The following STRN variants were observed in gnomAD, a reference collection of about 807,000 sequenced individuals.
STRN encodes protein phosphatase 2 regulatory subunit B'''alpha.
STRN carries 53 observed loss-of-function variants against 96.3 expected under a neutral mutation model. That is an observed-to-expected ratio of 0.55 (90% CI 0.44 to 0.69). The LOEUF (loss-of-function observed/expected upper bound fraction) is 0.69, where lower values mean the gene tolerates loss of function less well. STRN is among the 30% of genes least tolerant of loss of function. The pLI, the probability that STRN is intolerant of heterozygous loss-of-function variation, is 0.00. For missense variants in STRN, 987 were observed against 963.9 expected, an observed-to-expected ratio of 1.02 and a Z score of -0.32; for synonymous variants, 428 against 355.9, an observed-to-expected ratio of 1.20 and a Z score of -2.28.
At position 36,966,354 on chromosome 2, in the gene STRN, G is replaced by A. The variant is rs1665163202; in HGVS notation, c.110C>T (p.Ala37Val). Residue 37 changes from alanine to valine, a missense_variant, in exon 1 of 18, where the codon GCG becomes GTG. Transcript: ENST00000263918. ...LAEAAAAGDG[A>V]AAAGAARAQY... is the part of the protein sequence containing the mutation. ...GGCTCGGGCCGCCCCCGCCGCAGCC[G>A]CCCCGTCGCCGGCCGCGGCAGCCTC... 6 of 1,474,940 alleles carry A rather than the reference G, an allele frequency of 4.1e-6. No individual in the cohort carries two copies. The highest frequency in any genetic ancestry group is 2.6e-5 in the Admixed American group (1 of 38,596). The allele number at this position is 1,474,940 out of a possible 1,614,324, so 91.4% of individuals were successfully genotyped here.
rs1372767653 is a variant in STRN, at chr2:36,849,358, A to G, written c.*98T>C. On this transcript the variant is annotated 3_prime_UTR_variant, in exon 18 of 18. Transcript: ENST00000263918. ...TTCTCTGTGCTCCTTCAGCAGAACA[A>G]AAGGGCAGGACGAGATGATTCTTGC... The G allele has an allele frequency of 5.0e-6, 7 of 1,391,258 alleles. No individual in the cohort carries two copies. The highest frequency in any genetic ancestry group is 6.9e-6 in the Non-Finnish European group (7 of 1,016,438). The allele number at this position is 1,391,258 out of a possible 1,614,324, so 86.2% of individuals were successfully genotyped here.
chr2:36,851,194 G>C (rs935919242), intron 15 of STRN, 87 bp from the exon 16 acceptor site: 3 of 1,236,248 alleles, frequency 2.4e-6, no homozygotes, highest in Non-Finnish European at 3.4e-6. Flanking sequence ...CTAAGAGACT[G>C]AAAAAGTAGG....
intron 1 of STRN, among the ~76,000 whole-genome samples, chr2:36,954,506 T>A (rs1461456550): frequency 1.4e-5 from 2 of 145,756 alleles, no homozygotes; most frequent in African/African-American, 5.1e-5. Context: ...AGTAAAGCCC[T>A]GTCTCAAACA....
chr2:36,849,603 T>C lies in STRN; in HGVS notation c.2196A>G (p.Leu732=). The change falls in exon 18 of 18, where the codon TTA becomes TTG. Residue 732 remains leucine (L), a synonymous_variant. Coordinates refer to ENST00000263918, the MANE Select transcript of STRN (RefSeq NM_003162.4). Reference sequence around the variant, plus strand: ...TACACGTCTTACTTTCTAGATTCCATAAACGTATTGAACAGTCATGACCTA... The same window carrying C: ...TACACGTCTTACTTTCTAGATTCCACAAACGTATTGAACAGTCATGACCTA... ...MSGSHDCSIR[L]WNLESKTCIQ... is the part of the protein sequence containing the mutation. The C allele has an allele frequency of 6.2e-7, 1 of 1,614,016 alleles. No homozygotes were observed. The highest frequency in any genetic ancestry group is 2.2e-5 in the East Asian group (1 of 44,870).
intron 3 of STRN, among the ~76,000 whole-genome samples, chr2:36,911,855 C>A (rs797020332): frequency 6.6e-6 from 1 of 152,190 alleles, no homozygotes; most frequent in Admixed American, 6.5e-5. Context: ...TGATCACACA[C>A]CTCAACTGGA....
At chr2:36,927,527 G>GT (rs1179241067) in intron 1 of STRN, among the ~76,000 whole-genome samples, 1 of 129,572 alleles carries the variant, frequency 7.7e-6, no homozygotes, top group Non-Finnish European at 1.6e-5. Context: ...AAAAAAAAGG[G>GT]GGGGGGGGGT....
intron 7 of STRN, among the ~76,000 whole-genome samples, chr2:36,888,370 T>C (rs139995521): frequency 4.9e-4 from 75 of 152,294 alleles, no homozygotes; most frequent in African/African-American, 1.5e-3. Flanking sequence ...TGGCTCCCCA[T>C]CTCACCACTG....
At chr2:36,954,731 G>A (rs1481690325) in intron 1 of STRN, among the ~76,000 whole-genome samples, 1 of 151,548 alleles carries the variant, frequency 6.6e-6, no homozygotes, top group Non-Finnish European at 1.5e-5. Flanking sequence ...CTGCCTCCTG[G>A]GTTCAAGCGA....
rs1504 is a variant in STRN, at chr2:36,838,875, T to G, written c.*10581A>C. On this transcript the variant is annotated 3_prime_UTR_variant, in exon 18 of 18. Transcript: ENST00000263918. ...AAATGTGAGATGCAGAGAACGTACA[T>G]GATCCCATTTATTTAAAGCAAACTG... Among the ~76,000 whole-genome samples, 65,742 of 151,960 alleles carry G rather than the reference T, an allele frequency of 0.43. 14,474 individuals carry two copies. The highest frequency in any genetic ancestry group is 0.59 in the East Asian group (3,014 of 5,146).
At chr2:36,940,331 G>T (rs906371384) in intron 1 of STRN, among the ~76,000 whole-genome samples, 2 of 152,242 alleles carry the variant, frequency 1.3e-5, no homozygotes, top group East Asian at 3.9e-4. Context: ...ATTCTACTCA[G>T]AAACAAATGG....
At position 36,856,926 on chromosome 2, in the gene STRN, C is replaced by T. The variant is rs553333185; in HGVS notation, c.1837+930G>A. 6.6e-5 allele frequency among the ~76,000 whole-genome samples: 10 copies of T among 152,150 alleles called. 1 individual carries two copies. In the East Asian group the frequency reaches 1.9e-3, roughly 29 times the overall value. Reference sequence around the variant, plus strand: ...AACATGCCTCCTGTCCCTTTGACTTCCACCATGATTGTAAATTGCTTGAGG... The same window carrying T: ...AACATGCCTCCTGTCCCTTTGACTTTCACCATGATTGTAAATTGCTTGAGG... On this transcript the variant is annotated intron_variant, in intron 14 of 17. Transcript: ENST00000263918.
intron 9 of STRN, 38 bp from the exon 10 acceptor site, chr2:36,878,065 T>A (rs1668963468): frequency 6.2e-7 from 1 of 1,608,314 alleles, no homozygotes; most frequent in African/African-American, 1.3e-5. Flanking sequence ...AAAAAATCTC[T>A]AAGGAGCCAA....
intron 2 of STRN, among the ~76,000 whole-genome samples, chr2:36,918,679 T>A (rs997800233): frequency 2.0e-5 from 3 of 152,212 alleles, no homozygotes; most frequent in African/African-American, 7.2e-5. Context: ...TCACAAGCTA[T>A]GGTCCCTTAA....
chr2:36,915,439 C>G (rs1670072529), intron 3 of STRN, among the ~76,000 whole-genome samples: 2 of 151,220 alleles, frequency 1.3e-5, no homozygotes, highest in East Asian at 1.9e-4. Flanking sequence ...CTAATACCTA[C>G]TAATAAGTGA....
At chr2:36,937,985 T>C (rs1670749365) in intron 1 of STRN, among the ~76,000 whole-genome samples, 1 of 152,098 alleles carries the variant, frequency 6.6e-6, no homozygotes, top group Non-Finnish European at 1.5e-5. Context: ...TAGGCTATGA[T>C]CACATATCTA....
rs1244312909 is a variant in STRN, at chr2:36,838,495, T to A, written c.*10961A>T. Among the ~76,000 whole-genome samples, 1 of 152,190 alleles carries A rather than the reference T, an allele frequency of 6.6e-6. No homozygotes were observed. Among genetic ancestry groups the A allele is most frequent in the Non-Finnish European group, 1.5e-5 (1 of 68,030 alleles). On this transcript the variant is annotated 3_prime_UTR_variant, in exon 18 of 18. Transcript: ENST00000263918. Reference sequence around the variant, plus strand: ...TTTATAGTAGTCAGGAAAATGGAAATTAAAATAACACTGAAAAATCACTAC... The same window carrying A: ...TTTATAGTAGTCAGGAAAATGGAAAATAAAATAACACTGAAAAATCACTAC...
At chr2:36,906,210 T>A (rs1287469221) in intron 3 of STRN, among the ~76,000 whole-genome samples, 2 of 152,170 alleles carry the variant, frequency 1.3e-5, no homozygotes, top group East Asian at 3.8e-4. Context: ...ACGCCTATAA[T>A]CCCAGCAATT....
intron 13 of STRN, among the ~76,000 whole-genome samples, chr2:36,858,763 A>G (rs2148134349): frequency 6.6e-6 from 1 of 152,358 alleles, no homozygotes; most frequent in East Asian, 1.9e-4. Context: ...CATACCATAA[A>G]ATATTGAAGA....
At chr2:36,930,463 G>A (rs1182301185) in intron 1 of STRN, among the ~76,000 whole-genome samples, 2 of 151,682 alleles carry the variant, frequency 1.3e-5, no homozygotes, top group African/African-American at 4.8e-5. Flanking sequence ...TTATCATTTG[G>A]TGACATCAAA....
Sources: allele counts gnomAD v4.1 joint callset (sites outside exome capture counted in the v4.1 genomes callset), GRCh38; gene constraint gnomAD v4.1.1; transcripts MANE v1.5; gene names NCBI Gene and HGNC (gene_info 2026-07-23, HGNC 2026-07-21).